KCNJ3: variants seen among roughly 807,000 people sequenced by gnomAD.
KCNJ3 encodes potassium inwardly rectifying channel subfamily J member 3.
In KCNJ3, 4 loss-of-function variants were observed where a neutral mutation model predicts 39.2. The ratio of observed to expected loss-of-function variants is 0.10; its 90% confidence interval spans 0.05 to 0.23. KCNJ3 has a LOEUF of 0.23. Among genes scored for constraint, KCNJ3 ranks in the 10% least tolerant of loss-of-function variants. The pLI, the probability that KCNJ3 is intolerant of heterozygous loss-of-function variation, is 1.00. For missense variants in KCNJ3, 276 were observed against 634.9 expected, an observed-to-expected ratio of 0.43 and a Z score of 6.08; for synonymous variants, 230 against 237.4, an observed-to-expected ratio of 0.97 and a Z score of 0.29.
intron 2 of KCNJ3, among the ~76,000 whole-genome samples, chr2:154,726,754 A>G (rs546483294): frequency 2.4e-5 from 3 of 122,500 alleles, no homozygotes; most frequent in Admixed American, 8.4e-5. Context: ...GAAAATGTGT[A>G]TATATATATA....
At chr2:154,711,370 A>C (rs1049825494) in intron 2 of KCNJ3, among the ~76,000 whole-genome samples, 1 of 151,990 alleles carries the variant, frequency 6.6e-6, no homozygotes, top group African/African-American at 2.4e-5. Context: ...TCTTTCTTTC[A>C]TACATCTGCT....
intron 1 of KCNJ3, among the ~76,000 whole-genome samples, chr2:154,704,779 G>A (rs771315025): frequency 1.7e-4 from 26 of 152,178 alleles, no homozygotes; most frequent in Admixed American, 2.6e-4. Context: ...TGGTACCTGC[G>A]TTTGGCTCAT....
chr2:154,713,749 C>G (rs1685139391), intron 2 of KCNJ3, among the ~76,000 whole-genome samples: 1 of 152,184 alleles, frequency 6.6e-6, no homozygotes, highest in African/African-American at 2.4e-5. Context: ...GCAACTTCTC[C>G]CAGGAGAGAG....
intron 2 of KCNJ3, among the ~76,000 whole-genome samples, chr2:154,733,981 C>A (rs1043299846): frequency 2.0e-5 from 3 of 152,082 alleles, no homozygotes; most frequent in African/African-American, 7.2e-5. Context: ...GAAACTTACA[C>A]AATATAAAGA....
chr2:154,816,486 G>A lies in KCNJ3; in HGVS notation c.920-38241G>A, dbSNP rs548847333. On this transcript the variant is annotated intron_variant, in intron 2 of 2. Transcript: ENST00000295101. ...GAATAAATGAAATCCCAAAGCTGGA[G>A]GAGCTCATTTCTATTTGGAAATAAA... Among the ~76,000 whole-genome samples the A allele has an allele frequency of 3.9e-5, 6 of 152,206 alleles. No individual in the cohort carries two copies. In the East Asian group the frequency reaches 1.2e-3, roughly 29 times the overall value.
chr2:154,787,512 G>A (rs993518233), intron 2 of KCNJ3, among the ~76,000 whole-genome samples: 1 of 152,098 alleles, frequency 6.6e-6, no homozygotes, highest in African/African-American at 2.4e-5. Context: ...CAGGACATCA[G>A]GAGCAAAGGG....
At chr2:154,724,936 T>TATATATATATAC (rs1450435626) in intron 2 of KCNJ3, among the ~76,000 whole-genome samples, 3 of 147,096 alleles carry the variant, frequency 2.0e-5, no homozygotes, top group Non-Finnish European at 3.0e-5. Context: ...TATATATATA[T>TATATATATATAC]ACCTTTGATG....
intron 1 of KCNJ3, among the ~76,000 whole-genome samples, chr2:154,704,151 G>C (rs978987575): frequency 5.3e-5 from 8 of 151,818 alleles, no homozygotes; most frequent in Non-Finnish European, 8.8e-5. Flanking sequence ...AATATATTTT[G>C]TTTAGTTTTG....
chr2:154,777,126 A>G (rs552104910), intron 2 of KCNJ3, among the ~76,000 whole-genome samples: 1 of 152,294 alleles, frequency 6.6e-6, no homozygotes, highest in East Asian at 1.9e-4. Flanking sequence ...AAAATAGCAA[A>G]TCCAGCCTGC....
intron 2 of KCNJ3, among the ~76,000 whole-genome samples, chr2:154,791,980 AG>A (rs1407665535): frequency 6.6e-6 from 1 of 152,062 alleles, no homozygotes; most frequent in East Asian, 1.9e-4. Flanking sequence ...GCAAAGTAAA[AG>A]TGGGTGTTTT....
At chr2:154,744,292 T>C (rs1293614359) in intron 2 of KCNJ3, among the ~76,000 whole-genome samples, 2 of 151,644 alleles carry the variant, frequency 1.3e-5, no homozygotes, top group South Asian at 2.1e-4. Flanking sequence ...GATATTGAGG[T>C]GTGGTTTTCT....
At chr2:154,805,864 C>G (rs1447014523) in intron 2 of KCNJ3, among the ~76,000 whole-genome samples, 1 of 151,964 alleles carries the variant, frequency 6.6e-6, no homozygotes, top group Non-Finnish European at 1.5e-5. Context: ...TTACATAAGA[C>G]AGATATGGAA....
chr2:154,784,840 C>T (rs1306399074), intron 2 of KCNJ3, among the ~76,000 whole-genome samples: 3 of 152,046 alleles, frequency 2.0e-5, no homozygotes, highest in Non-Finnish European at 4.4e-5. Flanking sequence ...TAGTTAATTT[C>T]TTTGTGTCTG....
Position 154,844,452 on chromosome 2 carries a change from C to T in KCNJ3, c.920-10275C>T, listed in dbSNP as rs540816293. Among the ~76,000 whole-genome samples the T allele has an allele frequency of 3.9e-5, 6 of 152,314 alleles. No homozygotes were observed. The South Asian group carries it at 6.2e-4, about 16-fold the overall frequency. ...CTGTCCATTCTCAGAGCTCAGACGC[C>T]GTGCTGGGAGAACCACTGCTCTCTT... On this transcript the variant is annotated intron_variant, in intron 2 of 2. Transcript: ENST00000295101.
intron 2 of KCNJ3, among the ~76,000 whole-genome samples, chr2:154,834,470 A>G (rs1309069110): frequency 6.6e-6 from 1 of 152,138 alleles, no homozygotes; most frequent in Non-Finnish European, 1.5e-5. Flanking sequence ...GGTGGCTAAC[A>G]CCTGTAATCC....
intron 2 of KCNJ3, among the ~76,000 whole-genome samples, chr2:154,799,931 G>C (rs1391225544): frequency 1.3e-5 from 2 of 152,140 alleles, no homozygotes; most frequent in Non-Finnish European, 2.9e-5. Flanking sequence ...AAGTGCAAAG[G>C]ATAAGTAAAA....
intron 2 of KCNJ3, among the ~76,000 whole-genome samples, chr2:154,766,436 A>C (rs1686137476): frequency 6.6e-6 from 1 of 152,178 alleles, no homozygotes. Flanking sequence ...GCTGAAGCTC[A>C]ATATTCAAAG....
At chr2:154,821,486 C>T (rs1250262422) in intron 2 of KCNJ3, among the ~76,000 whole-genome samples, 5 of 152,042 alleles carry the variant, frequency 3.3e-5, no homozygotes, top group East Asian at 1.9e-4. Flanking sequence ...AGTTTCTGCA[C>T]AGTAATTGAA....
intron 2 of KCNJ3, among the ~76,000 whole-genome samples, chr2:154,838,965 A>ACTT (rs1434977440): frequency 6.6e-6 from 1 of 152,086 alleles, no homozygotes; most frequent in Non-Finnish European, 1.5e-5. Flanking sequence ...TTTTTATTAT[A>ACTT]CTTTAAGTTC....
Sources: allele counts gnomAD v4.1 joint callset (sites outside exome capture counted in the v4.1 genomes callset), GRCh38; gene constraint gnomAD v4.1.1; transcripts MANE v1.5; gene names NCBI Gene and HGNC (gene_info 2026-07-23, HGNC 2026-07-21).